The following LINS1 variants were observed in gnomAD, a reference collection of about 807,000 sequenced individuals.
LINS1 encodes lines homolog 1, also known as protein Lines homolog 1.
Under a neutral mutation model 41.6 loss-of-function variants are expected in LINS1, and 27 were observed. The ratio of observed to expected loss-of-function variants is 0.65; its 90% CI spans 0.48 to 0.89. The LOEUF is 0.89. Among genes scored for constraint, LINS1 ranks in the 40% least tolerant of loss-of-function variants. The pLI is 0.00. For synonymous variants in LINS1, 336 were observed against 312.9 expected (o/e 1.07, Z -0.78); for missense variants, 955 against 884.1 (o/e 1.08, Z -1.02).
At chr15:100,584,495 G>C (rs1415902396) in intron 1 of LINS1, among the ~76,000 whole-genome samples, 1 of 151,882 alleles carries the variant, frequency 6.6e-6, no homozygotes, top group Non-Finnish European at 1.5e-5. Flanking sequence ...TTTGGTAAGA[G>C]TGATTGTGAG....
At chr15:100,587,533 T>C (rs1347888726) in intron 1 of LINS1, among the ~76,000 whole-genome samples, 1 of 152,228 alleles carries the variant, frequency 6.6e-6, no homozygotes, top group African/African-American at 2.4e-5. Flanking sequence ...TTTCATTCAT[T>C]TGCTGTTTAT....
chr15:100,585,321 G>C, intron 1 of LINS1, among the ~76,000 whole-genome samples: 1 of 152,168 alleles, frequency 6.6e-6, no homozygotes, highest in Admixed American at 6.6e-5. Context: ...ACCTTCTCTC[G>C]CAGTTGCAAT....
At chr15:100,571,672 C>T (rs973020580) in intron 6 of LINS1, among the ~76,000 whole-genome samples, 6 of 152,136 alleles carry the variant, frequency 3.9e-5, no homozygotes, top group African/African-American at 1.4e-4. Flanking sequence ...TTTTCAGATA[C>T]CAATCTAGTT....
At chr15:100,601,985 C>A in intron 1 of LINS1, 136 bp downstream of exon 1, 1 of 152,322 alleles carries the variant, frequency 6.6e-6, no homozygotes, top group Non-Finnish European at 1.5e-5. Context: ...TGAACAGGGG[C>A]GGAGAAACAA....
At chr15:100,593,327 T>C (rs2039116977) in intron 1 of LINS1, among the ~76,000 whole-genome samples, 1 of 152,168 alleles carries the variant, frequency 6.6e-6, no homozygotes, top group Non-Finnish European at 1.5e-5. Flanking sequence ...GGCCTAAGGG[T>C]TACCCATATT....
chr15:100,587,588 A>AT (rs912254848), intron 1 of LINS1, among the ~76,000 whole-genome samples: 2 of 152,092 alleles, frequency 1.3e-5, no homozygotes, highest in African/African-American at 2.4e-5. Context: ...TAAAACCATG[A>AT]TTTTTTTAAG....
intron 3 of LINS1, among the ~76,000 whole-genome samples, chr15:100,576,100 T>C (rs1164546322): frequency 6.6e-6 from 1 of 151,856 alleles, no homozygotes; most frequent in African/African-American, 2.4e-5. Context: ...CACCCTAACA[T>C]CACAATTAAA....
intron 1 of LINS1, among the ~76,000 whole-genome samples, chr15:100,590,615 C>T (rs2038993971): frequency 6.6e-6 from 1 of 152,210 alleles, no homozygotes; most frequent in Non-Finnish European, 1.5e-5. Context: ...ATGTAACAGA[C>T]TTAAAATTCT....
At chr15:100,592,456 G>A (rs2039080235) in intron 1 of LINS1, among the ~76,000 whole-genome samples, 1 of 151,990 alleles carries the variant, frequency 6.6e-6, no homozygotes, top group Non-Finnish European at 1.5e-5. Flanking sequence ...ACTGGGGGTA[G>A]GGCTGAAAGT....
At position 100,580,595 on chromosome 15, in the gene LINS1, C is replaced by G; in HGVS notation, c.248G>C (p.Ser83Thr). 6.2e-7 allele frequency: 1 copy of G among 1,613,980 alleles called. No individual in the cohort carries two copies. The highest frequency in any genetic ancestry group is 8.5e-7 in the Non-Finnish European group (1 of 1,179,916). Reference sequence around the variant, plus strand: ...AAGGAGCATTACTTCTCTGGAACCGCTCATCTGAGAGTTGGTCTTCAAACA... The same window carrying G: ...AAGGAGCATTACTTCTCTGGAACCGGTCATCTGAGAGTTGGTCTTCAAACA... The part of the protein sequence containing the change: ...PVCLKTNSQM[S>T]GSREVMLLQL... The change falls in exon 2 of 7, where the codon AGC (serine) becomes ACC (threonine). Residue 83 changes from serine (S) to threonine (T), a missense_variant. Ser to Thr is a moderately conservative substitution (Grantham distance 58). Coordinates refer to ENST00000314742, the MANE Select transcript of LINS1 (RefSeq NM_001040616.3).
chr15:100,589,222 T>C (rs1307914870), intron 1 of LINS1, among the ~76,000 whole-genome samples: 1 of 152,206 alleles, frequency 6.6e-6, no homozygotes, highest in African/African-American at 2.4e-5. Flanking sequence ...TAAAAGACTA[T>C]AAGAAAGCAT....
Position 100,580,559 on chromosome 15 carries a change from A to G in LINS1, c.284T>C (p.Val95Ala). The change falls in exon 2 of 7, where the codon GTG becomes GCG. Residue 95 changes from valine to alanine, a missense_variant. Coordinates refer to ENST00000314742, the MANE Select transcript of LINS1 (RefSeq NM_001040616.3). Reference protein sequence around the residue: ...SREVMLLQLTVIKVMTTRILS... With the variant: ...SREVMLLQLTAIKVMTTRILS... ...TATCCGGGTTGTCATCACTTTGATC[A>G]CTGTTAACTGAAGGAGCATTACTTC... The G allele has an allele frequency of 6.2e-7, 1 of 1,614,062 alleles. No homozygotes were observed. Among genetic ancestry groups the G allele is most frequent in the Non-Finnish European group, 8.5e-7 (1 of 1,179,978 alleles).
In LINS1 at chr15:100,569,515, G is replaced by C. The variant is rs760815746; in HGVS notation, c.1997C>G (p.Thr666Arg). 6 of 1,614,200 alleles carry C rather than the reference G, an allele frequency of 3.7e-6. No homozygotes were observed. The highest frequency in any genetic ancestry group is 2.7e-5 in the African/African-American group (2 of 75,048). ...GCTAAATTCTTTTTTATCCCTGCTT[G>C]TCCCAGCTGCATCCTGAATCTCCTT... ...ATKEIQDAAG[T>R]SRDKKEFSLE... is the part of the protein sequence containing the mutation. Residue 666 changes from threonine to arginine, a missense_variant, in exon 7 of 7, where the codon ACA (threonine) becomes AGA (arginine). Thr to Arg is a moderately conservative substitution (Grantham distance 71, BLOSUM62 -1). Coordinates refer to ENST00000314742, the MANE Select transcript of LINS1 (RefSeq NM_001040616.3).
intron 4 of LINS1, 120 bp from the exon 5 acceptor site, chr15:100,574,361 T>C (rs138963745): frequency 1.4e-6 from 1 of 713,088 alleles, no homozygotes; most frequent in Non-Finnish European, 2.4e-6. Flanking sequence ...AATGTTTACC[T>C]CTAACATTAA....
At chr15:100,580,026 G>A (rs967715775) in intron 3 of LINS1, among the ~76,000 whole-genome samples, 3 of 152,068 alleles carry the variant, frequency 2.0e-5, no homozygotes, top group Admixed American at 6.6e-5. Context: ...AATATCTGAA[G>A]GGTAAAAATC....
intron 1 of LINS1, among the ~76,000 whole-genome samples, chr15:100,600,551 C>CAAAAAAAAAAAAAAAAAAAAAAAAAAAAA (rs56911211): frequency 3.8e-5 from 3 of 79,674 alleles, no homozygotes; most frequent in African/African-American, 2.0e-4. Context: ...TGCTGTTAAG[C>CAAAAAAAAAAAAAAAAAAAAAAAAAAAAA]AAAAAAAAAA....
At chr15:100,574,315 T>C (rs2038028783) in intron 4 of LINS1, 74 bp from the exon 5 acceptor site, 1 of 970,612 alleles carries the variant, frequency 1.0e-6, no homozygotes, top group Non-Finnish European at 1.6e-6. Context: ...TCACTTTTTA[T>C]AAATATCACT....
rs1341498911 is a variant in LINS1 at position 100,569,853 on chromosome 15, G to A, written c.1659C>T (p.Asp553=). The part of the protein sequence containing the change: ...NNFDATESKY[D]ISICGCVPSL... Reference sequence around the variant, plus strand: ...AGGGGACACAGCCACAAATACTTATGTCATATTTAGATTCAGTTGCATCAA... The same window carrying A: ...AGGGGACACAGCCACAAATACTTATATCATATTTAGATTCAGTTGCATCAA... Residue 553 remains aspartate, a synonymous_variant, in exon 7 of 7, where the codon GAC becomes GAT. Coordinates refer to ENST00000314742, the MANE Select transcript of LINS1 (RefSeq NM_001040616.3). 1.9e-6 allele frequency: 3 copies of A among 1,614,026 alleles called. No individual in the cohort carries two copies. The highest frequency in any genetic ancestry group is 1.1e-5 in the South Asian group (1 of 91,082).
intron 3 of LINS1, among the ~76,000 whole-genome samples, chr15:100,577,352 C>G (rs2141293825): frequency 6.6e-6 from 1 of 152,292 alleles, no homozygotes; most frequent in East Asian, 1.9e-4. Flanking sequence ...AATCAATGTG[C>G]AAAAATCACA....
Sources: allele counts gnomAD v4.1 joint callset (sites outside exome capture counted in the v4.1 genomes callset), GRCh38; gene constraint gnomAD v4.1.1; transcripts MANE v1.5; gene names NCBI Gene and HGNC (gene_info 2026-07-23, HGNC 2026-07-21).